ALPK1: variants seen among roughly 807,000 people sequenced by gnomAD.
ALPK1 encodes alpha-protein kinase 1.
In ALPK1, 110 loss-of-function variants were observed where a neutral mutation model predicts 120.6. The ratio of observed to expected loss-of-function variants is 0.91; its 90% CI spans 0.78 to 1.07. The LOEUF is 1.07. ALPK1 is among the 50% of genes least tolerant of loss of function. The probability of loss-of-function intolerance (pLI) is 0.00; values close to 1 mark genes in which losing one functional copy is unlikely to be tolerated. For synonymous variants in ALPK1, 582 were observed against 560.3 expected, an observed-to-expected ratio of 1.04 and a Z score of -0.55; for missense variants, 1,498 against 1,483.9, an observed-to-expected ratio of 1.01 and a Z score of -0.16.
chr4:112,304,355 C>T (rs1448191501), intron 1 of ALPK1, among the ~76,000 whole-genome samples: 1 of 152,096 alleles, frequency 6.6e-6, no homozygotes, highest in Non-Finnish European at 1.5e-5. Context: ...AACTAGTTTA[C>T]AGTCCCACCA....
At chr4:112,323,429 T>C (rs939180889) in intron 2 of ALPK1, among the ~76,000 whole-genome samples, 2 of 152,152 alleles carry the variant, frequency 1.3e-5, no homozygotes, top group Non-Finnish European at 2.9e-5. Flanking sequence ...CAGAACTATG[T>C]CTAATTCATC....
chr4:112,343,783 G>C (rs1011896082), intron 2 of ALPK1, among the ~76,000 whole-genome samples: 16 of 131,360 alleles, frequency 1.2e-4, no homozygotes, highest in Non-Finnish European at 2.4e-4. Flanking sequence ...AATTGGCTGA[G>C]ACCACCAGAA....
rs376695615 is a variant in ALPK1 at position 112,411,865 on chromosome 4, G to A, written c.315G>A (p.Ala105=). ...CCTCCATCCTCGCTCGGGACTGTGC[G>A]GCTGCGGCGGCTATTGTGTTCTTGG... ...LRASILARDC[A]AAAAIVFLVD... is the part of the protein sequence containing the mutation. The change falls in exon 5 of 16, where the codon GCG becomes GCA. Residue 105 remains alanine, a synonymous_variant. Transcript: ENST00000650871. The A allele has an allele frequency of 4.6e-5, 74 of 1,613,018 alleles. No individual in the cohort carries two copies. Among genetic ancestry groups the A allele is most frequent in the South Asian group, 3.8e-4 (35 of 91,014 alleles).
chr4:112,302,736 G>GCAAA (rs74913108), intron 1 of ALPK1, among the ~76,000 whole-genome samples: 67,570 of 150,768 alleles, frequency 0.45, 17,508 homozygotes, highest in African/African-American at 0.71. Context: ...AAAAAAGCAA[G>GCAAA]CAAACAAACA....
intron 5 of ALPK1, 45 bp from the exon 6 acceptor site, chr4:112,423,899 G>A (rs372294966): frequency 1.4e-5 from 22 of 1,591,218 alleles, no homozygotes; most frequent in Non-Finnish European, 1.6e-5. Flanking sequence ...ATTGTTAAGT[G>A]CATGTTCAAA....
At chr4:112,332,697 A>G (rs1417144686) in intron 2 of ALPK1, among the ~76,000 whole-genome samples, 1 of 152,212 alleles carries the variant, frequency 6.6e-6, no homozygotes, top group African/African-American at 2.4e-5. Flanking sequence ...TACAGGATGA[A>G]TGCTTGGACC....
In ALPK1 at chr4:112,423,996, A is replaced by AAT. The variant is rs1291691582; in HGVS notation, c.528_529insAT (p.Ala177MetfsTer41). The stretch of plus-strand genomic sequence containing the variant: ...TGAGCAGTCTAATAAGCAACAATGG[A>AAT]GCAACGGGTGAGTACTTTCATATCT... On this transcript the variant is annotated frameshift_variant, in exon 6 of 16. Transcript: ENST00000650871. LOFTEE classifies it high-confidence loss of function. The AAT allele has an allele frequency of 6.2e-7, 1 of 1,613,812 alleles. No individual in the cohort carries two copies. The highest frequency in any genetic ancestry group is 1.7e-5 in the Admixed American group (1 of 60,012).
At chr4:112,360,948 G>C (rs1353350163) in intron 2 of ALPK1, among the ~76,000 whole-genome samples, 1 of 152,078 alleles carries the variant, frequency 6.6e-6, no homozygotes, top group Non-Finnish European at 1.5e-5. Flanking sequence ...ATATTTATTT[G>C]TTATTTATCC....
chr4:112,427,918 A>G, intron 9 of ALPK1: 1 of 300,688 alleles, frequency 3.3e-6, no homozygotes, highest in East Asian at 5.1e-5. Flanking sequence ...ATGAATATCA[A>G]CAAAATGATT....
intron 1 of ALPK1, among the ~76,000 whole-genome samples, chr4:112,307,694 C>T (rs1448077170): frequency 1.3e-5 from 2 of 152,036 alleles, no homozygotes; most frequent in East Asian, 1.9e-4. Context: ...GTCTTGACTC[C>T]TTATCCAATT....
In ALPK1 at chr4:112,321,952, A is replaced by G. The variant is rs144772338; in HGVS notation, c.-101+6100A>G. Among the ~76,000 whole-genome samples the G allele has an allele frequency of 3.1e-3, 469 of 152,324 alleles. 2 individuals carry two copies. Among genetic ancestry groups the G allele is most frequent in the African/African-American group, 0.01 (419 of 41,566 alleles). On this transcript the variant is annotated intron_variant, in intron 2 of 15. Transcript: ENST00000650871. Reference sequence around the variant, plus strand: ...ACTAGTTAAAAGTGAAATTGCTTATACCTGTACTGATAAGTGCCACCAGTA... The same window carrying G: ...ACTAGTTAAAAGTGAAATTGCTTATGCCTGTACTGATAAGTGCCACCAGTA...
chr4:112,412,321 A>G, intron 5 of ALPK1: 1 of 566,652 alleles, frequency 1.8e-6, no homozygotes, highest in East Asian at 4.2e-5. Context: ...GCTTTCAAAC[A>G]GGGGTATCTG....
At chr4:112,348,835 G>C (rs962004034) in intron 2 of ALPK1, among the ~76,000 whole-genome samples, 4 of 152,184 alleles carry the variant, frequency 2.6e-5, no homozygotes, top group African/African-American at 9.7e-5. Context: ...AGGCGCCTTT[G>C]ACATTTTAAG....
chr4:112,432,592 T>C lies in ALPK1; in HGVS notation c.3034+11T>C. 6.2e-7 allele frequency: 1 copy of C among 1,603,938 alleles called. No homozygotes were observed. The highest frequency in any genetic ancestry group is 8.5e-7 in the Non-Finnish European group (1 of 1,176,904). On this transcript the variant is annotated intron_variant, in intron 11 of 15. Transcript: ENST00000650871. ...TCCACCGAGCACATAGTAAGTACAA[T>C]CTTTTCAATAGTTCCCCCCTCAGGA...
At chr4:112,362,633 G>A (rs1468104119) in intron 2 of ALPK1, among the ~76,000 whole-genome samples, 2 of 152,180 alleles carry the variant, frequency 1.3e-5, no homozygotes, top group Non-Finnish European at 2.9e-5. Context: ...CAAGGAAGAA[G>A]AGAAATCTAA....
At chr4:112,425,436 A>G in intron 6 of ALPK1, 2 of 322,342 alleles carry the variant, frequency 6.2e-6, no homozygotes, top group Non-Finnish European at 1.2e-5. Flanking sequence ...AGGAGGCAAA[A>G]TAAAGTAGAG....
intron 4 of ALPK1, among the ~76,000 whole-genome samples, chr4:112,391,095 G>A (rs1732393597): frequency 6.6e-6 from 1 of 152,166 alleles, no homozygotes; most frequent in Non-Finnish European, 1.5e-5. Flanking sequence ...CATGTGACTT[G>A]CATGCCTCCC....
intron 8 of ALPK1, 83 bp from the exon 9 acceptor site, chr4:112,427,487 T>G: frequency 2.3e-6 from 2 of 852,674 alleles, no homozygotes; most frequent in Non-Finnish European, 3.9e-6. Flanking sequence ...TATGGAGGAA[T>G]AATCATAGCC....
chr4:112,402,850 T>C (rs1386607540), intron 4 of ALPK1, among the ~76,000 whole-genome samples: 1 of 152,190 alleles, frequency 6.6e-6, no homozygotes, highest in African/African-American at 2.4e-5. Context: ...ATCCCAACAC[T>C]AAAACTGTTA....
Sources: allele counts gnomAD v4.1 joint callset (sites outside exome capture counted in the v4.1 genomes callset), GRCh38; gene constraint gnomAD v4.1.1; transcripts MANE v1.5; gene names NCBI Gene and HGNC (gene_info 2026-07-23, HGNC 2026-07-21).